MCRIP1: variants seen among roughly 807,000 people sequenced by gnomAD.
MCRIP1 encodes the protein MAPK regulated corepressor interacting protein 1.
In MCRIP1, 10 loss-of-function variants were observed where a neutral mutation model predicts 14.4. The observed-to-expected ratio is 0.70, with a 90% CI of 0.43 to 1.18. The LOEUF (loss-of-function observed/expected upper bound fraction) is 1.18. Ranked by LOEUF, MCRIP1 falls within the 50% of genes most tolerant of loss-of-function variation. The pLI, the probability that MCRIP1 is intolerant of heterozygous loss-of-function variation, is 0.00. For missense variants in MCRIP1, 119 were observed against 135.4 expected (o/e 0.88, Z 0.60); for synonymous variants, 53 against 55.7 (o/e 0.95, Z 0.21).
intron 1 of MCRIP1, chr17:81,825,021 C>A: frequency 9.7e-7 from 1 of 1,026,526 alleles, no homozygotes; most frequent in South Asian, 4.0e-5. Flanking sequence ...ACGGCTTCTG[C>A]TGAGCCTTGA....
chr17:81,829,444 C>T (rs553195155), intron 1 of MCRIP1, among the ~76,000 whole-genome samples: 1 of 152,230 alleles, frequency 6.6e-6, no homozygotes, highest in South Asian at 2.1e-4. Flanking sequence ...GAATCAAGAC[C>T]GAGCATGCCG....
intron 1 of MCRIP1, among the ~76,000 whole-genome samples, chr17:81,830,083 C>T (rs1477197430): frequency 2.0e-5 from 3 of 152,100 alleles, no homozygotes; most frequent in African/African-American, 4.8e-5. Flanking sequence ...TGCCTGCTTC[C>T]GTGGCCGTCC....
In MCRIP1 at chr17:81,823,007, G is replaced by A; in HGVS notation, c.*240C>T. 1.7e-6 allele frequency: 1 copy of A among 595,894 alleles called. No individual in the cohort carries two copies. Among genetic ancestry groups the A allele is most frequent in the Non-Finnish European group, 3.0e-6 (1 of 335,374 alleles). The allele number at this position is 595,894 out of a possible 1,614,324, so 36.9% of individuals were successfully genotyped here. ...TCAAAAATGCAGCCAGGTGGCTGGG[G>A]GAGGGCAGGAGGGTGGGCAGGGCCC... On this transcript the variant is annotated 3_prime_UTR_variant, in exon 5 of 5. Coordinates refer to ENST00000455127, the MANE Select transcript of MCRIP1 (RefSeq NM_207368.5). The surrounding 1 kb of genome is among the most constrained non-coding windows in gnomAD (Gnocchi z 6.0).
At chr17:81,824,666 A>G (rs1255494748) in intron 1 of MCRIP1, 112 bp from the exon 2 acceptor site, 2 of 1,502,826 alleles carry the variant, frequency 1.3e-6, no homozygotes, top group Admixed American at 2.0e-5. Context: ...AACAAAGTGC[A>G]TGGTCCCTCT....
intron 1 of MCRIP1, chr17:81,825,951 A>T: frequency 7.6e-7 from 1 of 1,307,242 alleles, no homozygotes; most frequent in Middle Eastern, 2.1e-4. Context: ...AGCTCAGGTA[A>T]CAGGTAGACT....
intron 1 of MCRIP1, among the ~76,000 whole-genome samples, chr17:81,832,599 G>T (rs2038541822): frequency 1.3e-5 from 2 of 152,260 alleles, no homozygotes; most frequent in South Asian, 2.1e-4. Flanking sequence ...GGATCCAGCT[G>T]AAAGACCACC....
chr17:81,826,689 G>T (rs1360240460), intron 1 of MCRIP1: 13 of 356,854 alleles, frequency 3.6e-5, no homozygotes, highest in African/African-American at 8.8e-5. Flanking sequence ...CGTGGTGGCA[G>T]GCACCCGTAA....
At position 81,826,230 on chromosome 17, in the gene MCRIP1, C is replaced by CAT. The variant is rs930209056; in HGVS notation, c.-48-1677_-48-1676insAT. 15 of 1,504,262 alleles carry CAT rather than the reference C, an allele frequency of 1.0e-5. No homozygotes were observed. The African/African-American group carries it at 2.1e-4, about 21-fold the overall frequency. 93.2% of individuals were successfully genotyped at this position (1,504,262 alleles called of 1,614,324 possible). A position where few individuals can be genotyped will look rare whatever the true frequency, so the allele number is the denominator to read the frequency against. ...GGGCTCCCTTTGCCTTGTGTGCACA[C>CAT]ACACACACACACACACACCTGCCCA... On this transcript the variant is annotated intron_variant, in intron 1 of 4. Coordinates refer to ENST00000455127, the MANE Select transcript of MCRIP1 (RefSeq NM_207368.5).
Position 81,823,461 on chromosome 17 carries a change from C to T in MCRIP1, c.180G>A (p.Arg60=). 6.5e-7 allele frequency: 1 copy of T among 1,536,742 alleles called. No homozygotes were observed. The highest frequency in any genetic ancestry group is 1.4e-5 in the African/African-American group (1 of 73,154). Residue 60 remains arginine, a synonymous_variant, in exon 4 of 5, where the codon CGG becomes CGA. Coordinates refer to ENST00000455127, the MANE Select transcript of MCRIP1 (RefSeq NM_207368.5). This position sits in a 1 kb window ranked among gnomAD's most constrained non-coding sequence, Gnocchi z 6.0. ...DLRGQVPGGE[R]GLVEEYVEKV... is the part of the protein sequence containing the mutation. ...TCTCCACATACTCCTCCACCAGGCC[C>T]CGCTCGCCACCCGGCACCTGGCCTC...
At chr17:81,824,244 C>T (rs992196753) in intron 3 of MCRIP1, 43 bp downstream of exon 3, 11 of 1,466,384 alleles carry the variant, frequency 7.5e-6, no homozygotes, top group African/African-American at 1.4e-5. Flanking sequence ...GAGCTGACTC[C>T]GTCAAGGACA....
rs776254283 is a variant in MCRIP1 at position 81,824,568 on chromosome 17, C to G, written c.-48-14G>C. Reference sequence around the variant, plus strand: ...TCCCCTCAGCCTCTGAAACAGAAGCCAGCGCAGGCATGGGACGCAGGGCCA... The same window carrying G: ...TCCCCTCAGCCTCTGAAACAGAAGCGAGCGCAGGCATGGGACGCAGGGCCA... On this transcript the variant is annotated splice_polypyrimidine_tract_variant and intron_variant, in intron 1 of 4. Coordinates refer to ENST00000455127, the MANE Select transcript of MCRIP1 (RefSeq NM_207368.5). The G allele has an allele frequency of 4.2e-5, 65 of 1,535,734 alleles. No individual in the cohort carries two copies. Among genetic ancestry groups the G allele is most frequent in the Admixed American group, 2.2e-4 (11 of 50,978 alleles).
rs772649908 is a variant in MCRIP1 at position 81,824,311 on chromosome 17, C to T, written c.103G>A (p.Glu35Lys). Residue 35 changes from glutamate (E) to lysine (K), a missense_variant, in exon 3 of 5, where the codon GAG becomes AAG. By Grantham distance (56) the Glu-to-Lys change is moderately conservative (BLOSUM62 1). Coordinates refer to ENST00000455127, the MANE Select transcript of MCRIP1 (RefSeq NM_207368.5). Reference protein sequence around the residue: ...SSEIFTPAHEENVRFIYEAWQ... With the variant: ...SSEIFTPAHEKNVRFIYEAWQ... The stretch of plus-strand genomic sequence containing the variant: ...CCTTCGTAAATGAAGCGGACGTTCT[C>T]CTCGTGGGCTGGGGTGAAGATCTCG... 3 of 1,536,270 alleles carry T rather than the reference C, an allele frequency of 2.0e-6. No individual in the cohort carries two copies. The African/African-American group carries it at 4.1e-5, about 21-fold the overall frequency.
At chr17:81,824,463 C>T in intron 2 of MCRIP1, 36 bp downstream of exon 2, 1 of 1,535,308 alleles carries the variant, frequency 6.5e-7, no homozygotes, top group Non-Finnish European at 8.7e-7. Flanking sequence ...CCACAACCCG[C>T]CCCGGTGGAG....
intron 1 of MCRIP1, among the ~76,000 whole-genome samples, chr17:81,832,684 T>A (rs953155976): frequency 2.6e-5 from 4 of 152,030 alleles, no homozygotes; most frequent in Non-Finnish European, 5.9e-5. Context: ...GCCCCCGCGG[T>A]CACAACCACC....
At chr17:81,827,844 G>A (rs552427709) in intron 1 of MCRIP1, among the ~76,000 whole-genome samples, 58 of 132,316 alleles carry the variant, frequency 4.4e-4, no homozygotes, top group African/African-American at 1.5e-3. Flanking sequence ...GCAGTGGCGC[G>A]ATCTTGGCTC....
rs1256321056 is a variant in MCRIP1, at chr17:81,823,443, A to G, written c.198T>C (p.Tyr66=). ...GGCTGGGGTTAGGGACCTTCTCCAC[A>G]TACTCCTCCACCAGGCCCCGCTCGC... ...PGGERGLVEE[Y]VEKVPNPSLK... Residue 66 remains tyrosine, a synonymous_variant, in exon 4 of 5, where the codon TAT becomes TAC. Coordinates refer to ENST00000455127, the MANE Select transcript of MCRIP1 (RefSeq NM_207368.5). The surrounding 1 kb of genome is among the most constrained non-coding windows in gnomAD (Gnocchi z 6.0). 1.3e-6 allele frequency: 2 copies of G among 1,536,382 alleles called. No individual in the cohort carries two copies. Among genetic ancestry groups the G allele is most frequent in the Non-Finnish European group, 1.7e-6 (2 of 1,146,666 alleles).
chr17:81,824,462 G>T (rs1210247097), intron 2 of MCRIP1, 37 bp downstream of exon 2: 2 of 1,534,720 alleles, frequency 1.3e-6, no homozygotes, highest in South Asian at 1.2e-5. Context: ...CCCACAACCC[G>T]CCCCGGTGGA....
intron 1 of MCRIP1, chr17:81,824,973 C>G (rs149490844): frequency 0.21 from 218,298 of 1,056,898 alleles, 24,587 homozygotes; most frequent in African/African-American, 0.36. Context: ...AGCCCCTCAG[C>G]TAACTGACCC....
At chr17:81,828,154 C>A (rs1011825777) in intron 1 of MCRIP1, among the ~76,000 whole-genome samples, 1 of 152,056 alleles carries the variant, frequency 6.6e-6, no homozygotes, top group Non-Finnish European at 1.5e-5. Flanking sequence ...TGTACCCACA[C>A]CCTCAATACC....
Sources: allele counts gnomAD v4.1 joint callset (sites outside exome capture counted in the v4.1 genomes callset), GRCh38; gene constraint gnomAD v4.1.1; non-coding constraint Gnocchi (gnomAD v3.1); transcripts MANE v1.5; gene names NCBI Gene and HGNC (gene_info 2026-07-23, HGNC 2026-07-21).